LRCH3: variants seen among roughly 807,000 people sequenced by gnomAD.
LRCH3 encodes DISP complex protein LRCH3.
In LRCH3, 68 loss-of-function variants were observed where a neutral mutation model predicts 104.5. That is an observed-to-expected ratio of 0.65 (90% CI 0.54 to 0.80). The LOEUF is 0.80. Ranked by LOEUF, LRCH3 falls within the 30% of genes least tolerant of loss-of-function variation. The pLI, the probability that LRCH3 is intolerant of heterozygous loss-of-function variation, is 0.00. For synonymous variants in LRCH3, 344 were observed against 361.3 expected, an observed-to-expected ratio of 0.95 and a Z score of 0.54; for missense variants, 951 against 953.9, an observed-to-expected ratio of 1.00 and a Z score of 0.04.
chr3:197,819,885 A>G (rs931043922), intron 3 of LRCH3, among the ~76,000 whole-genome samples: 2 of 152,042 alleles, frequency 1.3e-5, no homozygotes, highest in African/African-American at 2.4e-5. Context: ...TTTTAAAAAA[A>G]AGAAAATAGA....
In LRCH3 at chr3:197,887,729, T is replaced by G. The variant is rs955200887; in HGVS notation, c.*4063T>G. The G allele has an allele frequency of 1.6e-5, 2 of 123,722 alleles. No individual in the cohort carries two copies. The highest frequency in any genetic ancestry group is 7.2e-5 in the African/African-American group (2 of 27,644). The allele number at this position is 123,722 out of a possible 1,614,324, so 7.7% of individuals were successfully genotyped here. A position where few individuals can be genotyped will look rare whatever the true frequency, so the allele number is the denominator to read the frequency against. ...AGAGCCCTTCCCATCACTGACAGTG[T>G]CTGGGGCTGAGAGCCCCCCAGCAGA... On this transcript the variant is annotated 3_prime_UTR_variant, in exon 21 of 21. Transcript: ENST00000425562.
chr3:197,874,713 AGTTT>A (rs1712661561), intron 19 of LRCH3, among the ~76,000 whole-genome samples: 1 of 152,076 alleles, frequency 6.6e-6, no homozygotes, highest in Non-Finnish European at 1.5e-5. Flanking sequence ...GGAAAAAAAA[AGTTT>A]GTAACTATTC....
intron 7 of LRCH3, among the ~76,000 whole-genome samples, chr3:197,831,955 C>T (rs1019965044): frequency 2.6e-5 from 4 of 152,086 alleles, no homozygotes; most frequent in Admixed American, 6.6e-5. Flanking sequence ...CGCTTTGTCG[C>T]ACAGGCTGGA....
At chr3:197,864,876 C>T (rs185184344) in intron 15 of LRCH3, among the ~76,000 whole-genome samples, 51 of 151,896 alleles carry the variant, frequency 3.4e-4, no homozygotes, top group Non-Finnish European at 5.9e-4. Flanking sequence ...CAAAAATTAA[C>T]TGGGCATGGT....
chr3:197,843,086 A>T (rs947842956), intron 10 of LRCH3, among the ~76,000 whole-genome samples: 1 of 10,724 alleles, frequency 9.3e-5, no homozygotes, highest in Non-Finnish European at 1.5e-4. Context: ...CTCTGTCTTA[A>T]AAAAAAAAAA....
chr3:197,852,501 A>G (rs966044668), intron 12 of LRCH3, 60 bp from the exon 13 acceptor site: 58 of 1,427,718 alleles, frequency 4.1e-5, no homozygotes, highest in Non-Finnish European at 5.5e-5. Flanking sequence ...AGAATTTGTT[A>G]TTTGCAGTGT....
chr3:197,842,854 G>A (rs1462653941), intron 10 of LRCH3, among the ~76,000 whole-genome samples: 1 of 152,084 alleles, frequency 6.6e-6, no homozygotes, highest in Non-Finnish European at 1.5e-5. Context: ...GGAGCCCGAG[G>A]CCAGCAGATC....
At chr3:197,838,370 G>C (rs1322376861) in intron 9 of LRCH3, among the ~76,000 whole-genome samples, 1 of 152,230 alleles carries the variant, frequency 6.6e-6, no homozygotes, top group Non-Finnish European at 1.5e-5. Flanking sequence ...CTTTAAGACA[G>C]TCAGTTGTTA....
intron 1 of LRCH3, among the ~76,000 whole-genome samples, chr3:197,802,065 T>C (rs1560521147): frequency 6.6e-6 from 1 of 152,216 alleles, no homozygotes; most frequent in Non-Finnish European, 1.5e-5. Flanking sequence ...ATCAAACACT[T>C]CTCGTGCTTC....
At chr3:197,839,998 A>G (rs1440739414) in intron 10 of LRCH3, among the ~76,000 whole-genome samples, 1 of 152,034 alleles carries the variant, frequency 6.6e-6, no homozygotes, top group Non-Finnish European at 1.5e-5. Context: ...ACAAAATACA[A>G]AAAACGAATT....
At chr3:197,799,779 C>G (rs1395561271) in intron 1 of LRCH3, among the ~76,000 whole-genome samples, 1 of 152,060 alleles carries the variant, frequency 6.6e-6, no homozygotes, top group Non-Finnish European at 1.5e-5. Flanking sequence ...GAGGCTGAGG[C>G]AGGGGAATTG....
intron 2 of LRCH3, among the ~76,000 whole-genome samples, chr3:197,816,373 C>T (rs12107593): frequency 0.022 from 3,364 of 152,160 alleles, 69 homozygotes; most frequent in East Asian, 0.053. Context: ...CTCCATCTCC[C>T]GGGTTCAAGC....
At chr3:197,869,809 G>A (rs1357106841) in intron 17 of LRCH3, among the ~76,000 whole-genome samples, 1 of 143,110 alleles carries the variant, frequency 7.0e-6, no homozygotes, top group Non-Finnish European at 1.5e-5. Flanking sequence ...GTACCTGCAG[G>A]AGGTAGAAAG....
intron 6 of LRCH3, 136 bp from the exon 7 acceptor site, chr3:197,830,632 TAA>T: frequency 1.6e-6 from 1 of 626,188 alleles, no homozygotes; most frequent in Non-Finnish European, 2.8e-6. Context: ...TTTTTCATAT[TAA>T]AAAATTAAAG....
chr3:197,817,890 G>T (rs187390136), intron 3 of LRCH3, among the ~76,000 whole-genome samples: 1 of 152,042 alleles, frequency 6.6e-6, no homozygotes, highest in East Asian at 1.9e-4. Flanking sequence ...GCGCAATCTC[G>T]GCTTACTGCA....
intron 5 of LRCH3, among the ~76,000 whole-genome samples, chr3:197,828,976 T>C (rs1157668854): frequency 6.6e-6 from 1 of 152,186 alleles, no homozygotes; most frequent in East Asian, 1.9e-4. Flanking sequence ...CCCAAAGTGC[T>C]GCAATTACAG....
intron 8 of LRCH3, among the ~76,000 whole-genome samples, chr3:197,833,365 GAAAAAAAA>G (rs71166710): frequency 0.036 from 1,211 of 33,328 alleles, 20 homozygotes; most frequent in Middle Eastern, 0.091. Flanking sequence ...ACTAAAAACC[GAAAAAAAA>G]AAAAAAAAAA....
intron 1 of LRCH3, 146 bp from the exon 2 acceptor site, chr3:197,814,762 T>A: frequency 1.8e-6 from 1 of 571,344 alleles, no homozygotes; most frequent in Non-Finnish European, 2.9e-6. Flanking sequence ...CGATCTTTGA[T>A]ATAATTTGTA....
At position 197,791,421 on chromosome 3, in the gene LRCH3, C is replaced by G. The variant is rs758590561; in HGVS notation, c.143C>G (p.Ser48Cys). The G allele has an allele frequency of 1.9e-6, 3 of 1,593,530 alleles. No homozygotes were observed. The highest frequency in any genetic ancestry group is 3.6e-5 in the Admixed American group (2 of 56,112). Residue 48 changes from serine (S) to cysteine (C), a missense_variant, in exon 1 of 21, where the codon TCT becomes TGT. Coordinates refer to ENST00000425562, the MANE Select transcript of LRCH3 (RefSeq NM_001365715.1). ...TTTGGCCCGGGCTCGTGGAGCCGCT[C>G]TCTCGATCGAGCCCTGGAGGAGGCG... Reference protein sequence around the residue: ...PGFGPGSWSRSLDRALEEAAV... With the variant: ...PGFGPGSWSRCLDRALEEAAV...
Sources: allele counts gnomAD v4.1 joint callset (sites outside exome capture counted in the v4.1 genomes callset), GRCh38; gene constraint gnomAD v4.1.1; transcripts MANE v1.5; gene names NCBI Gene and HGNC (gene_info 2026-07-23, HGNC 2026-07-21).